MARCHF1: variants seen among roughly 807,000 people sequenced by gnomAD.
The protein encoded by MARCHF1 is E3 ubiquitin-protein ligase MARCHF1.
A neutral mutation model predicts 54.2 loss-of-function variants in MARCHF1; 40 were observed. The observed-to-expected ratio is 0.74, with a 90% CI of 0.57 to 0.96. The LOEUF (loss-of-function observed/expected upper bound fraction) is 0.96, where lower values mean the gene tolerates loss of function less well. Among genes scored for constraint, MARCHF1 ranks in the 40% least tolerant of loss-of-function variants. MARCHF1 has a pLI of 0.00. For missense variants in MARCHF1, 586 were observed against 656.5 expected, an observed-to-expected ratio of 0.89 and a Z score of 1.17; for synonymous variants, 236 against 236.3, an observed-to-expected ratio of 1.00 and a Z score of 0.01.
chr4:163,574,492 T>C (rs1417223419), intron 8 of MARCHF1, among the ~76,000 whole-genome samples: 2 of 148,622 alleles, frequency 1.3e-5, no homozygotes, highest in African/African-American at 5.0e-5. Context: ...GATTTTTGTA[T>C]AAGGTGTAAG....
intron 5 of MARCHF1, 45 bp from the exon 6 acceptor site, chr4:163,613,438 A>G (rs1402611054): frequency 1.2e-6 from 2 of 1,612,958 alleles, no homozygotes; most frequent in Non-Finnish European, 1.7e-6. Context: ...TTAAGGTAAT[A>G]CATGGTTGAT....
At chr4:163,534,625 CAAG>C (rs1440284965) in intron 9 of MARCHF1, among the ~76,000 whole-genome samples, 1 of 151,974 alleles carries the variant, frequency 6.6e-6, no homozygotes, top group African/African-American at 2.4e-5. Context: ...AACAAATCGT[CAAG>C]AAAACAGACC....
intron 4 of MARCHF1, among the ~76,000 whole-genome samples, chr4:163,799,967 A>C (rs1748032996): frequency 6.6e-6 from 1 of 152,192 alleles, no homozygotes; most frequent in African/African-American, 2.4e-5. Flanking sequence ...AAAAAGAATG[A>C]AATAATGTTC....
intron 4 of MARCHF1, among the ~76,000 whole-genome samples, chr4:163,817,245 G>A (rs1748557816): frequency 6.6e-6 from 1 of 151,756 alleles, no homozygotes; most frequent in African/African-American, 2.4e-5. Flanking sequence ...CTTCAGCTCT[G>A]TTTGCTGTCC....
intron 2 of MARCHF1, among the ~76,000 whole-genome samples, chr4:164,071,489 G>A (rs1217807247): frequency 6.6e-6 from 1 of 151,916 alleles, no homozygotes; most frequent in Non-Finnish European, 1.5e-5. Flanking sequence ...TTACAAACTA[G>A]TGATATCCTT....
intron 5 of MARCHF1, among the ~76,000 whole-genome samples, chr4:163,666,920 C>G (rs2111116607): frequency 6.6e-6 from 1 of 152,172 alleles, no homozygotes; most frequent in East Asian, 1.9e-4. Context: ...GGACTCTAAT[C>G]TTTTTGAGAG....
intron 2 of MARCHF1, among the ~76,000 whole-genome samples, chr4:164,073,439 T>TGAAC (rs1319283819): frequency 6.6e-6 from 1 of 151,068 alleles, no homozygotes; most frequent in Non-Finnish European, 1.5e-5. Flanking sequence ...AAGTGAGAGG[T>TGAAC]GAACAAAGAG....
intron 5 of MARCHF1, among the ~76,000 whole-genome samples, chr4:163,687,296 C>T (rs1036673011): frequency 2.0e-5 from 3 of 151,094 alleles, no homozygotes; most frequent in South Asian, 2.1e-4. Flanking sequence ...GGCGCTATCT[C>T]GGCTCACTGC....
At chr4:163,535,777 C>G (rs1738509877) in intron 9 of MARCHF1, among the ~76,000 whole-genome samples, 1 of 148,548 alleles carries the variant, frequency 6.7e-6, no homozygotes, top group South Asian at 2.1e-4. Flanking sequence ...TCTTAAGTTC[C>G]TACTTGGCTG....
intron 9 of MARCHF1, among the ~76,000 whole-genome samples, chr4:163,529,550 G>A (rs1343360649): frequency 6.6e-6 from 1 of 151,974 alleles, no homozygotes; most frequent in African/African-American, 2.4e-5. Flanking sequence ...GAGATGGGGA[G>A]GAGTAAGAGG....
At chr4:164,373,778 G>A (rs1206990749) in intron 1 of MARCHF1, among the ~76,000 whole-genome samples, 2 of 152,140 alleles carry the variant, frequency 1.3e-5, no homozygotes, top group Non-Finnish European at 2.9e-5. Flanking sequence ...TAGCCATGTG[G>A]TGATTACACC....
chr4:164,184,557 G>A, intron 1 of MARCHF1, among the ~76,000 whole-genome samples: 1 of 152,224 alleles, frequency 6.6e-6, no homozygotes, highest in Non-Finnish European at 1.5e-5. Flanking sequence ...TTAAATAGTA[G>A]CAAGAAGTCT....
rs78916189 is a variant in MARCHF1 at position 163,928,416 on chromosome 4, C to T, written c.-39+60085G>A. Among the ~76,000 whole-genome samples, 1,087 of 151,908 alleles carry T rather than the reference C, an allele frequency of 7.2e-3. 12 individuals carry two copies. The highest frequency in any genetic ancestry group is 0.038 in the East Asian group (199 of 5,170). ...CAATGGATAGGGAAGAAGAGCTAGG[C>T]GTGGTGGCAGAGGACTCTTTTTGGC... On this transcript the variant is annotated intron_variant, in intron 3 of 9. Transcript: ENST00000514618.
intron 7 of MARCHF1, among the ~76,000 whole-genome samples, chr4:163,609,952 C>T (rs1741277513): frequency 6.6e-6 from 1 of 151,958 alleles, no homozygotes; most frequent in Non-Finnish European, 1.5e-5. Context: ...TATTTTTTAT[C>T]AATGTATGCA....
intron 2 of MARCHF1, among the ~76,000 whole-genome samples, chr4:164,107,487 C>CA: frequency 6.6e-6 from 1 of 152,148 alleles, no homozygotes; most frequent in East Asian, 1.9e-4. Flanking sequence ...CTCAGCATCC[C>CA]AAGCAGCTGA....
chr4:163,837,828 A>G (rs747726606), intron 4 of MARCHF1, among the ~76,000 whole-genome samples: 12 of 152,078 alleles, frequency 7.9e-5, no homozygotes, highest in Non-Finnish European at 1.3e-4. Context: ...TCTATAAAAC[A>G]CTGTACCTAA....
intron 1 of MARCHF1, among the ~76,000 whole-genome samples, chr4:164,238,639 G>T (rs570845713): frequency 1.1e-4 from 17 of 151,644 alleles, no homozygotes; most frequent in African/African-American, 4.1e-4. Flanking sequence ...TAAGATATTT[G>T]TATAGTAGCT....
intron 1 of MARCHF1, among the ~76,000 whole-genome samples, chr4:164,357,886 G>A (rs1014434502): frequency 2.6e-5 from 4 of 151,924 alleles, no homozygotes; most frequent in Admixed American, 6.6e-5. Flanking sequence ...CAGAAGAAAA[G>A]GAAAACAATC....
At chr4:164,268,471 A>G (rs1051607638) in intron 1 of MARCHF1, among the ~76,000 whole-genome samples, 8 of 152,142 alleles carry the variant, frequency 5.3e-5, no homozygotes, top group African/African-American at 1.7e-4. Context: ...ATGAGCTCCC[A>G]CTGTCCATCT....
Sources: gnomAD v4.1 joint callset for allele counts (sites outside exome capture counted in the v4.1 genomes callset) on GRCh38, gnomAD v4.1.1 for gene constraint, MANE v1.5 for transcripts, NCBI Gene and HGNC (gene_info 2026-07-23, HGNC 2026-07-21) for gene names.